The following RNF43 variants were observed in gnomAD, a reference collection of about 807,000 sequenced individuals.
RNF43 encodes the protein E3 ubiquitin-protein ligase RNF43.
Under a neutral mutation model 78.4 loss-of-function variants are expected in RNF43, and 37 were observed. The ratio of observed to expected loss-of-function variants is 0.47; its 90% CI spans 0.36 to 0.62. The LOEUF is 0.62. Among genes scored for constraint, RNF43 ranks in the 20% least tolerant of loss-of-function variants. The pLI, the probability that RNF43 is intolerant of heterozygous loss-of-function variation, is 0.00. For missense variants in RNF43, 774 were observed against 1,007.9 expected (o/e 0.77, Z 3.14); for synonymous variants, 347 against 395.0 (o/e 0.88, Z 1.44).
intron 2 of RNF43, among the ~76,000 whole-genome samples, chr17:58,388,232 C>G (rs1973477254): frequency 6.6e-6 from 1 of 152,222 alleles, no homozygotes; most frequent in South Asian, 2.1e-4. Flanking sequence ...TGAAATACTT[C>G]AGAGGCTAAG....
rs1335708380 is a variant in RNF43 at position 58,417,219 on chromosome 17, G to T, written c.-588C>A. The T allele has an allele frequency of 1.3e-5, 2 of 152,164 alleles. No individual in the cohort carries two copies. Among genetic ancestry groups the T allele is most frequent in the Admixed American group, 1.3e-4 (2 of 15,278 alleles). The allele number at this position is 152,164 out of a possible 1,614,324, so 9.4% of individuals were successfully genotyped here. Reference sequence around the variant, plus strand: ...GCAGCCTGAAAAAATAATCCATGCAGGTCAAAGGCAGAAATTTACTCCGGG... The same window carrying T: ...GCAGCCTGAAAAAATAATCCATGCATGTCAAAGGCAGAAATTTACTCCGGG... On this transcript the variant is annotated 5_prime_UTR_variant, in exon 1 of 10. The change creates a new upstream start codon in the 5' untranslated region. Coordinates refer to ENST00000407977, the MANE Select transcript of RNF43 (RefSeq NM_017763.6).
Position 58,415,748 on chromosome 17 carries a change from CAGGT to C in RNF43, c.-175_-172del. The stretch of plus-strand genomic sequence containing the variant: ...TTTCTCTAAAGTTTATTCCCAAAAA[CAGGT>C]AGCATTCCTGATTGGGCAGAGAAGA... On this transcript the variant is annotated 5_prime_UTR_variant, in exon 2 of 10. The change abolishes the stop of an existing upstream ORF in the 5' untranslated region. Coordinates refer to ENST00000407977, the MANE Select transcript of RNF43 (RefSeq NM_017763.6). 4 of 696,612 alleles carry C rather than the reference CAGGT, an allele frequency of 5.7e-6. No individual in the cohort carries two copies. The highest frequency in any genetic ancestry group is 5.7e-5 in the South Asian group (3 of 52,602). 43.2% of individuals were successfully genotyped at this position (696,612 alleles called of 1,614,324 possible).
At chr17:58,415,305 A>C in intron 2 of RNF43, 21 bp downstream of exon 2, 1 of 1,613,274 alleles carries the variant, frequency 6.2e-7, no homozygotes, top group Non-Finnish European at 8.5e-7. Context: ...GGAAAGTGAA[A>C]TATAATAAAG....
intron 2 of RNF43, among the ~76,000 whole-genome samples, chr17:58,390,223 T>C (rs1973522374): frequency 6.6e-6 from 1 of 152,022 alleles, no homozygotes; most frequent in Non-Finnish European, 1.5e-5. Flanking sequence ...CAAAATGGAA[T>C]ACAAAACAAA....
intron 2 of RNF43, among the ~76,000 whole-genome samples, chr17:58,394,602 G>C (rs1454132157): frequency 6.6e-6 from 1 of 152,190 alleles, no homozygotes; most frequent in African/African-American, 2.4e-5. Context: ...CCTATCCTAT[G>C]CTTAGAGGTC....
At chr17:58,403,648 T>A (rs866153756) in intron 2 of RNF43, among the ~76,000 whole-genome samples, 5 of 152,194 alleles carry the variant, frequency 3.3e-5, no homozygotes, top group South Asian at 2.1e-4. Flanking sequence ...GAATACACAA[T>A]GCAGAAAGTC....
intron 2 of RNF43, among the ~76,000 whole-genome samples, chr17:58,392,934 C>T (rs1209301604): frequency 2.6e-5 from 4 of 152,232 alleles, no homozygotes; most frequent in Non-Finnish European, 5.9e-5. Context: ...GGAGGAGATA[C>T]ATTTGACATT....
chr17:58,372,493 CCT>C (rs1182465942), intron 2 of RNF43, among the ~76,000 whole-genome samples: 3 of 152,132 alleles, frequency 2.0e-5, no homozygotes, highest in Non-Finnish European at 4.4e-5. Context: ...AGCTGTAGCC[CCT>C]GTCTCAACAA....
intron 2 of RNF43, among the ~76,000 whole-genome samples, chr17:58,394,674 G>A (rs1277474292): frequency 6.6e-6 from 1 of 152,172 alleles, no homozygotes. Flanking sequence ...AGGGTAGAAG[G>A]ACTTGAGGAG....
At chr17:58,395,858 C>A (rs552278426) in intron 2 of RNF43, among the ~76,000 whole-genome samples, 1 of 152,168 alleles carries the variant, frequency 6.6e-6, no homozygotes, top group Non-Finnish European at 1.5e-5. Context: ...GCTGTGATTT[C>A]AGTTCTTCTC....
At chr17:58,385,059 G>C (rs1329255658) in intron 2 of RNF43, among the ~76,000 whole-genome samples, 1 of 152,162 alleles carries the variant, frequency 6.6e-6, no homozygotes, top group Non-Finnish European at 1.5e-5. Context: ...GACTCTTCAC[G>C]TGTTGCTCAT....
At chr17:58,392,769 T>C (rs2143609054) in intron 2 of RNF43, among the ~76,000 whole-genome samples, 1 of 152,376 alleles carries the variant, frequency 6.6e-6, no homozygotes, top group East Asian at 1.9e-4. Context: ...TATTACCTTG[T>C]GTTTCCTTGA....
intron 2 of RNF43, 144 bp from the exon 3 acceptor site, chr17:58,371,177 C>T: frequency 1.3e-6 from 1 of 772,672 alleles, no homozygotes; most frequent in African/African-American, 1.8e-5. Context: ...ATTGGATTGC[C>T]TCTTAGTAAG....
At chr17:58,399,066 T>C (rs533918978) in intron 2 of RNF43, among the ~76,000 whole-genome samples, 4 of 152,210 alleles carry the variant, frequency 2.6e-5, no homozygotes, top group Non-Finnish European at 4.4e-5. Flanking sequence ...TTGAAATGAA[T>C]TATAATACCA....
rs745407326 is a variant in RNF43, at chr17:58,355,242, T to C, written c.2309-256A>G. Among the ~76,000 whole-genome samples the C allele has an allele frequency of 2.0e-5, 3 of 152,216 alleles. No individual in the cohort carries two copies. The South Asian group carries it at 6.2e-4, about 32-fold the overall frequency. ...TATTCATTTATTCACCCAATAAATA[T>C]TAAGGATTCGTTGTGAATTTGGTCT... On this transcript the variant is annotated intron_variant, in intron 9 of 9. Coordinates refer to ENST00000407977, the MANE Select transcript of RNF43 (RefSeq NM_017763.6).
At position 58,370,934 on chromosome 17, in the gene RNF43, G is replaced by A. The variant is rs1169873624; in HGVS notation, c.352C>T (p.Pro118Ser). 1 of 1,607,288 alleles carries A rather than the reference G, an allele frequency of 6.2e-7. No individual in the cohort carries two copies. Among genetic ancestry groups the A allele is most frequent in the Non-Finnish European group, 8.5e-7 (1 of 1,176,226 alleles). ...ACCTTGCTAGCCAGTGACAGGCAGG[G>A]GCGGGGGGCCCGTCGAGGACTCTCC... ...KLESPRRAPR[P>S]CLSLASKARM... Residue 118 changes from proline to serine, a missense_variant, in exon 3 of 10, where the codon CCC (proline) becomes TCC (serine). Coordinates refer to ENST00000407977, the MANE Select transcript of RNF43 (RefSeq NM_017763.6).
intron 2 of RNF43, among the ~76,000 whole-genome samples, chr17:58,399,312 A>T (rs2143636022): frequency 6.6e-6 from 1 of 152,222 alleles, no homozygotes; most frequent in East Asian, 1.9e-4. Flanking sequence ...GGCTCAAAGG[A>T]TGGTCTTTAC....
At chr17:58,397,787 G>A (rs946221897) in intron 2 of RNF43, among the ~76,000 whole-genome samples, 4 of 151,934 alleles carry the variant, frequency 2.6e-5, no homozygotes, top group Non-Finnish European at 4.4e-5. Context: ...CCTACTCCCC[G>A]CTTTAGGCTA....
At chr17:58,352,571 C>A (rs1972580186), downstream of RNF43, 1 of 218,080 alleles carries the variant, frequency 4.6e-6, no homozygotes, top group African/African-American at 2.3e-5. Flanking sequence ...TGTTTTGTCT[C>A]CCCGTTTTAG....
Sources: allele counts gnomAD v4.1 joint callset (sites outside exome capture counted in the v4.1 genomes callset), GRCh38; gene constraint gnomAD v4.1.1; transcripts MANE v1.5; gene names NCBI Gene and HGNC (gene_info 2026-07-23, HGNC 2026-07-21).